The following AGK variants were observed in gnomAD, a reference collection of about 807,000 sequenced individuals.
AGK encodes acylglycerol kinase, mitochondrial.
Under a neutral mutation model 66.4 loss-of-function variants are expected in AGK, and 52 were observed. The observed-to-expected ratio is 0.78, with a 90% CI of 0.63 to 0.99. The LOEUF (loss-of-function observed/expected upper bound fraction) is 0.99, where lower values mean the gene tolerates loss of function less well. Ranked by LOEUF, AGK falls within the 50% of genes least tolerant of loss-of-function variation. The probability of loss-of-function intolerance (pLI) is 0.00; values close to 1 mark genes in which losing one functional copy is unlikely to be tolerated. For missense variants in AGK, 451 were observed against 506.6 expected (o/e 0.89, Z 1.05); for synonymous variants, 182 against 181.1 (o/e 1.00, Z -0.04).
At chr7:141,634,009 GT>G in intron 10 of AGK, 29 bp downstream of exon 10, 2 of 1,576,052 alleles carry the variant, frequency 1.3e-6, no homozygotes, top group Non-Finnish European at 1.7e-6. Flanking sequence ...GATGTGTGAT[GT>G]TTTTTAAAAA....
In AGK at chr7:141,652,832, A is replaced by G; in HGVS notation, c.1177A>G (p.Met393Val). 1 of 1,614,012 alleles carries G rather than the reference A, an allele frequency of 6.2e-7. No individual in the cohort carries two copies. The highest frequency in any genetic ancestry group is 8.5e-7 in the Non-Finnish European group (1 of 1,179,996). ...FSIDSEEYEA[M>V]PVEVKLLPRK... The stretch of plus-strand genomic sequence containing the variant: ...CATTGACAGTGAGGAGTATGAAGCG[A>G]TGCCTGTGGAGGTGAAACTGCTCCC... Residue 393 changes from methionine (M) to valine (V), a missense_variant, in exon 16 of 16, where the codon ATG becomes GTG. Met to Val is a conservative substitution (Grantham distance 21). Coordinates refer to ENST00000649286, the MANE Select transcript of AGK (RefSeq NM_018238.4).
At chr7:141,580,168 C>G (rs951088393) in intron 2 of AGK, among the ~76,000 whole-genome samples, 2 of 151,922 alleles carry the variant, frequency 1.3e-5, no homozygotes, top group Admixed American at 6.6e-5. Context: ...ATATGGAAGG[C>G]ATATTTAGAG....
chr7:141,633,229 A>C (rs1046830342), intron 9 of AGK, among the ~76,000 whole-genome samples: 2 of 152,178 alleles, frequency 1.3e-5, no homozygotes, highest in African/African-American at 4.8e-5. Context: ...TTCCATTTAG[A>C]ATCCTGGTAC....
intron 9 of AGK, among the ~76,000 whole-genome samples, chr7:141,624,650 A>G (rs964294900): frequency 4.6e-5 from 7 of 152,220 alleles, no homozygotes; most frequent in Non-Finnish European, 2.9e-5. Context: ...GAAATGCTTC[A>G]ATCTTATAAA....
chr7:141,624,055 A>G (rs1411628645), intron 9 of AGK, among the ~76,000 whole-genome samples: 2 of 152,038 alleles, frequency 1.3e-5, no homozygotes, highest in Non-Finnish European at 2.9e-5. Context: ...CACTGTTGAG[A>G]CCCACTGCTC....
At chr7:141,553,409 C>A (rs1795141150) in intron 1 of AGK, among the ~76,000 whole-genome samples, 1 of 152,188 alleles carries the variant, frequency 6.6e-6, no homozygotes, top group African/African-American at 2.4e-5. Context: ...GGGAAGACTT[C>A]ATTGACTGTG....
intron 13 of AGK, 86 bp from the exon 14 acceptor site, chr7:141,649,177 C>T: frequency 1.3e-6 from 1 of 763,068 alleles, no homozygotes; most frequent in South Asian, 1.5e-5. Context: ...TAGCTTCAAA[C>T]TATGAACCAT....
At chr7:141,626,089 A>T (rs1039240306) in intron 9 of AGK, among the ~76,000 whole-genome samples, 1 of 152,342 alleles carries the variant, frequency 6.6e-6, no homozygotes, top group Admixed American at 6.5e-5. Flanking sequence ...ACCATTCCCA[A>T]TAAAAATAGC....
At chr7:141,634,703 T>C (rs1333949041) in intron 10 of AGK, among the ~76,000 whole-genome samples, 2 of 152,182 alleles carry the variant, frequency 1.3e-5, no homozygotes, top group Non-Finnish European at 2.9e-5. Context: ...CTGGTGGTGG[T>C]ATTTTCTCTT....
chr7:141,630,821 A>C (rs1442017556), intron 9 of AGK, among the ~76,000 whole-genome samples: 1 of 152,186 alleles, frequency 6.6e-6, no homozygotes, highest in Admixed American at 6.5e-5. Context: ...GGGGTTGGGT[A>C]AACAAGATAA....
At chr7:141,568,867 C>G (rs922689584) in intron 2 of AGK, among the ~76,000 whole-genome samples, 5 of 152,152 alleles carry the variant, frequency 3.3e-5, no homozygotes, top group Admixed American at 6.5e-5. Flanking sequence ...TGAGCCACCA[C>G]GCCTGGCACC....
rs1234067445 is a variant in AGK, at chr7:141,621,755, C to A, written c.542C>A (p.Ala181Asp). The part of the protein sequence containing the change: ...KVQHITDATL[A>D]IVKGETVPLD... The stretch of plus-strand genomic sequence containing the variant: ...AGACATATTACTGATGCCACACTTG[C>A]CATTGTGAAAGGAGAGACAGTTCCA... Residue 181 changes from alanine (A) to aspartate (D), a missense_variant, in exon 9 of 16, where the codon GCC becomes GAC. Transcript: ENST00000649286. 7 of 1,613,312 alleles carry A rather than the reference C, an allele frequency of 4.3e-6. No individual in the cohort carries two copies. The highest frequency in any genetic ancestry group is 5.9e-6 in the Non-Finnish European group (7 of 1,179,554).
At chr7:141,612,124 A>T (rs943872392) in intron 6 of AGK, among the ~76,000 whole-genome samples, 2 of 152,236 alleles carry the variant, frequency 1.3e-5, no homozygotes, top group Non-Finnish European at 2.9e-5. Context: ...ATATTCAGAC[A>T]ATAGGTATTA....
At position 141,582,768 on chromosome 7, in the gene AGK, C is replaced by G. The variant is rs185644431; in HGVS notation, c.102-10378C>G. Among the ~76,000 whole-genome samples, 209 of 151,834 alleles carry G rather than the reference C, an allele frequency of 1.4e-3. 5 individuals are homozygous for G. The highest frequency in any genetic ancestry group is 4.9e-3 in the African/African-American group (201 of 41,250). On this transcript the variant is annotated intron_variant, in intron 2 of 15. Transcript: ENST00000649286. ...AGATGGGGGAGAGCTAGCCATGGAA[C>G]GAAACTGTAAGCCAGACCGGGTGTG...
At chr7:141,605,976 G>A (rs1796452375) in intron 5 of AGK, among the ~76,000 whole-genome samples, 2 of 152,058 alleles carry the variant, frequency 1.3e-5, no homozygotes, top group Admixed American at 6.5e-5. Context: ...TTCAACTCTG[G>A]CTGAATATCA....
At chr7:141,572,064 A>T (rs929486249) in intron 2 of AGK, among the ~76,000 whole-genome samples, 1 of 152,226 alleles carries the variant, frequency 6.6e-6, no homozygotes, top group African/African-American at 2.4e-5. Flanking sequence ...AAAGAATTAG[A>T]CTTGACTGTA....
chr7:141,654,594 A>ATTTAC lies in AGK; in HGVS notation c.*1674_*1678dup, dbSNP rs1797645725. 6.6e-6 allele frequency: 1 copy of ATTTAC among 152,158 alleles called. No homozygotes were observed. Among genetic ancestry groups the ATTTAC allele is most frequent in the South Asian group, 2.1e-4 (1 of 4,822 alleles). The allele number at this position is 152,158 out of a possible 1,614,324, so 9.4% of individuals were successfully genotyped here. On this transcript the variant is annotated 3_prime_UTR_variant, in exon 16 of 16. Transcript: ENST00000649286. ...GCTTTGCCAGCCAGTCATTAGCACC[A>ATTTAC]TTTACTTTTACTATCGCTGACATTT...
At chr7:141,568,738 AT>A (rs780481174) in intron 2 of AGK, among the ~76,000 whole-genome samples, 4 of 150,804 alleles carry the variant, frequency 2.7e-5, no homozygotes, top group South Asian at 2.1e-4. Context: ...TGTCCGGCTA[AT>A]TTTTTTTTGT....
intron 10 of AGK, among the ~76,000 whole-genome samples, chr7:141,635,744 T>C (rs1197425212): frequency 3.3e-5 from 5 of 152,212 alleles, no homozygotes; most frequent in Non-Finnish European, 2.9e-5. Context: ...TTTATAGGCA[T>C]GGCTGCTCCA....
Sources: gnomAD v4.1 joint callset for allele counts (sites outside exome capture counted in the v4.1 genomes callset) on GRCh38, gnomAD v4.1.1 for gene constraint, MANE v1.5 for transcripts, NCBI Gene and HGNC (gene_info 2026-07-23, HGNC 2026-07-21) for gene names.